Variants in SEC23A observed in about 807,000 individuals in gnomAD.
SEC23A encodes the protein protein transport protein Sec23A.
SEC23A carries 56 observed loss-of-function variants against 103.7 expected under a neutral mutation model. The observed-to-expected ratio is 0.54, with a 90% CI of 0.44 to 0.67. SEC23A has a LOEUF of 0.67. Among genes scored for constraint, SEC23A ranks in the 30% least tolerant of loss-of-function variants. The pLI, the probability that SEC23A is intolerant of heterozygous loss-of-function variation, is 0.00. For missense variants in SEC23A, 784 were observed against 936.4 expected (o/e 0.84, Z 2.12); for synonymous variants, 281 against 293.0 (o/e 0.96, Z 0.42).
At chr14:39,094,391 CACACACATAT>C (rs1486438506) in intron 2 of SEC23A, among the ~76,000 whole-genome samples, 1,227 of 39,410 alleles carry the variant, frequency 0.031, 250 homozygotes, top group Non-Finnish European at 0.051. Flanking sequence ...CACACACACA[CACACACATAT>C]ATATATATAT....
In SEC23A at chr14:39,088,906, C is replaced by T. The variant is rs144657105; in HGVS notation, c.604-1898G>A. Among the ~76,000 whole-genome samples the T allele has an allele frequency of 6.0e-3, 906 of 151,066 alleles. 8 individuals carry two copies. Among genetic ancestry groups the T allele is most frequent in the African/African-American group, 0.021 (853 of 41,172 alleles). On this transcript the variant is annotated intron_variant, in intron 5 of 19. Transcript: ENST00000307712. Reference sequence around the variant, plus strand: ...AAAATTGGCCAGGCGCGGTGGCTCACGCCTGTAATCCCAGCACTTTGGGAG... The same window carrying T: ...AAAATTGGCCAGGCGCGGTGGCTCATGCCTGTAATCCCAGCACTTTGGGAG...
At position 39,094,428 on chromosome 14, in the gene SEC23A, ATATATATATATATATTTT is replaced by A. The variant is rs1284224981; in HGVS notation, c.222-1202_222-1185del. On this transcript the variant is annotated intron_variant, in intron 2 of 19. Coordinates refer to ENST00000307712, the MANE Select transcript of SEC23A (RefSeq NM_006364.4). ...TATATATATATATATATATATATATATATATATATATATATTTTTTTTTTTTTTTTTTCCCCTCCTGTA... is the reference window on the plus strand; with the variant it reads ...TATATATATATATATATATATATATATTTTTTTTTTTTTTCCCCTCCTGTA... 2.2e-3 allele frequency among the ~76,000 whole-genome samples: 104 copies of A among 46,644 alleles called. 20 individuals are homozygous for A. Among genetic ancestry groups the A allele is most frequent in the Middle Eastern group, 0.014 (1 of 70 alleles). 30.6% of individuals were successfully genotyped at this position (46,644 alleles called of 152,430 possible). A position where few individuals can be genotyped will look rare whatever the true frequency, so the allele number is the denominator to read the frequency against.
At chr14:39,087,121 T>C in intron 5 of SEC23A, 113 bp from the exon 6 acceptor site, 2 of 713,152 alleles carry the variant, frequency 2.8e-6, no homozygotes, top group Non-Finnish European at 5.1e-6. Flanking sequence ...AAATAAAAAA[T>C]ACAAGGTCTC....
rs760088577 is a variant in SEC23A at position 39,094,373 on chromosome 14, T to C, written c.222-1129A>G. Among the ~76,000 whole-genome samples the C allele has an allele frequency of 4.2e-3, 81 of 19,460 alleles. 9 individuals are homozygous for C. The highest frequency in any genetic ancestry group is 0.016 in the South Asian group (8 of 496). The allele number at this position is 19,460 out of a possible 152,430, so 12.8% of individuals were successfully genotyped here. On this transcript the variant is annotated intron_variant, in intron 2 of 19. Transcript: ENST00000307712. ...ATATATACACATATACATATATATA[T>C]ACACACACACACACACACACACACA...
chr14:39,049,476 CA>C (rs879466662), intron 14 of SEC23A, among the ~76,000 whole-genome samples: 3,248 of 112,486 alleles, frequency 0.029, 110 homozygotes, highest in African/African-American at 0.09. Flanking sequence ...ACTCTGTCTC[CA>C]AAAAAAAAAA....
chr14:39,035,412 T>C (rs1885426157), intron 19 of SEC23A, among the ~76,000 whole-genome samples: 2 of 152,228 alleles, frequency 1.3e-5, no homozygotes, highest in South Asian at 4.1e-4. Context: ...AGAAGTGACT[T>C]TTTTTTCCAT....
chr14:39,086,642 A>G (rs1274240242), intron 6 of SEC23A, among the ~76,000 whole-genome samples: 1 of 152,272 alleles, frequency 6.6e-6, no homozygotes, highest in African/African-American at 2.4e-5. Flanking sequence ...AAAAAATAAA[A>G]ACCTTGGCTG....
At position 39,061,847 on chromosome 14, in the gene SEC23A, C is replaced by T. The variant is rs1211272845; in HGVS notation, c.1423G>A (p.Gly475Arg). The T allele has an allele frequency of 6.2e-7, 1 of 1,613,838 alleles. No homozygotes were observed. Among genetic ancestry groups the T allele is most frequent in the Admixed American group, 1.7e-5 (1 of 60,016 alleles). The stretch of plus-strand genomic sequence containing the variant: ...GTCACAAACTGGATTGCACCACGCC[C>T]TCCTTGAGGAATTGGAGCATTATGC... ...NQHNAPIPQG[G>R]RGAIQFVTQY... is the part of the protein sequence containing the mutation. The change falls in exon 13 of 20, where the codon GGG becomes AGG. Residue 475 changes from glycine to arginine, a missense_variant. Physicochemically the swap from Gly to Arg is moderately radical, Grantham distance 125. Coordinates refer to ENST00000307712, the MANE Select transcript of SEC23A (RefSeq NM_006364.4).
intron 7 of SEC23A, among the ~76,000 whole-genome samples, chr14:39,078,168 T>C (rs1217360592): frequency 3.8e-4 from 57 of 151,910 alleles, no homozygotes; most frequent in Non-Finnish European, 8.8e-5. Context: ...GGTGGGAGGA[T>C]TGGTTGAGCC....
intron 8 of SEC23A, among the ~76,000 whole-genome samples, chr14:39,074,845 C>T (rs1160534840): frequency 2.0e-5 from 3 of 152,026 alleles, no homozygotes; most frequent in African/African-American, 7.2e-5. Context: ...TGGTGGCTCA[C>T]GCCTGTAATC....
chr14:39,042,906 A>G (rs1885696125), intron 16 of SEC23A, 34 bp from the exon 17 acceptor site: 1 of 1,350,572 alleles, frequency 7.4e-7, no homozygotes, highest in Non-Finnish European at 1.1e-6. Flanking sequence ...AATGAGGAAA[A>G]AGGAAAAATA....
intron 19 of SEC23A, among the ~76,000 whole-genome samples, chr14:39,034,476 T>C (rs1423190959): frequency 6.6e-6 from 1 of 152,238 alleles, no homozygotes; most frequent in African/African-American, 2.4e-5. Flanking sequence ...CTTTATTCTA[T>C]ATGCATAGCT....
At chr14:39,101,504 G>A (rs1888094081) in intron 1 of SEC23A, among the ~76,000 whole-genome samples, 1 of 152,028 alleles carries the variant, frequency 6.6e-6, no homozygotes, top group African/African-American at 2.4e-5. Flanking sequence ...TGTAGTCCCA[G>A]CTACTCAGGC....
intron 7 of SEC23A, among the ~76,000 whole-genome samples, chr14:39,078,369 G>A (rs567545694): frequency 1.3e-5 from 2 of 152,106 alleles, no homozygotes; most frequent in African/African-American, 4.8e-5. Flanking sequence ...AAGAATCAAC[G>A]AAACACATCA....
Position 39,066,009 on chromosome 14 carries a change from A to AAC in SEC23A, c.1228-1017_1228-1016insGT, listed in dbSNP as rs1555328323. Among the ~76,000 whole-genome samples the AAC allele has an allele frequency of 9.2e-3, 471 of 51,096 alleles. 8 individuals are homozygous for AAC. Among genetic ancestry groups the AAC allele is most frequent in the Non-Finnish European group, 0.015 (397 of 26,764 alleles). 33.5% of individuals were successfully genotyped at this position (51,096 alleles called of 152,430 possible). On this transcript the variant is annotated intron_variant, in intron 10 of 19. Transcript: ENST00000307712. ...CGAAACTCCATCTCAAAAAAAAAAA[A>AAC]AAAAAAAAAAAAAAAAAAAAAAAAC...
At chr14:39,091,862 G>C (rs1465472465) in intron 4 of SEC23A, 149 bp from the exon 5 acceptor site, 1 of 668,878 alleles carries the variant, frequency 1.5e-6, no homozygotes, top group Non-Finnish European at 2.6e-6. Flanking sequence ...CTGTCATGGA[G>C]AGAGATCTAA....
chr14:39,048,579 G>A, intron 15 of SEC23A, 73 bp downstream of exon 15: 1 of 930,546 alleles, frequency 1.1e-6, no homozygotes, highest in Non-Finnish European at 1.7e-6. Context: ...CAGCATGGAT[G>A]ACATAGGGAG....
chr14:39,044,779 A>C lies in SEC23A; in HGVS notation c.1899+384T>G, dbSNP rs144563578. 2.6e-5 allele frequency among the ~76,000 whole-genome samples: 4 copies of C among 152,368 alleles called. No homozygotes were observed. The East Asian group carries it at 7.7e-4, about 29-fold the overall frequency. On this transcript the variant is annotated intron_variant, in intron 16 of 19. Coordinates refer to ENST00000307712, the MANE Select transcript of SEC23A (RefSeq NM_006364.4). ...AGAGCCTTTGTTTAGACAGAATGTC[A>C]TAACTGTCACAGACACTAAACTCTG...
At chr14:39,054,987 T>C (rs562170776) in intron 14 of SEC23A, among the ~76,000 whole-genome samples, 156 bp downstream of exon 14, 17 of 152,344 alleles carry the variant, frequency 1.1e-4, no homozygotes, top group African/African-American at 4.1e-4. Context: ...AGTTCTACTA[T>C]TCATTACTGT....
Sources: allele counts gnomAD v4.1 joint callset (sites outside exome capture counted in the v4.1 genomes callset), GRCh38; gene constraint gnomAD v4.1.1; transcripts MANE v1.5; gene names NCBI Gene and HGNC (gene_info 2026-07-23, HGNC 2026-07-21).